The following ZNF562 variants were observed in gnomAD, a reference collection of about 807,000 sequenced individuals.
ZNF562 encodes zinc finger protein 562.
Under a neutral mutation model 17.5 loss-of-function variants are expected in ZNF562, and 13 were observed. That is an observed-to-expected ratio of 0.74 (90% CI 0.48 to 1.18). ZNF562 has a LOEUF of 1.18. ZNF562 is among the 50% of genes most tolerant of loss of function. The pLI is 0.00. For synonymous variants in ZNF562, 163 were observed against 165.4 expected (o/e 0.99, Z 0.11); for missense variants, 481 against 498.5 (o/e 0.96, Z 0.33).
At chr19:9,659,261 T>C (rs772904517) in intron 3 of ZNF562, 118 bp downstream of exon 3, 6 of 913,774 alleles carry the variant, frequency 6.6e-6, no homozygotes, top group Admixed American at 4.9e-5. Flanking sequence ...GATTCAGTCC[T>C]TGAGTAAGGC....
intron 1 of ZNF562, among the ~76,000 whole-genome samples, chr19:9,674,113 G>A (rs1470158240): frequency 3.3e-5 from 5 of 152,308 alleles, no homozygotes; most frequent in East Asian, 3.9e-4. Context: ...GTCCTTCCCC[G>A]ATGGCTAGGG....
chr19:9,671,868 T>G (rs1406285520), intron 1 of ZNF562, among the ~76,000 whole-genome samples: 2 of 152,206 alleles, frequency 1.3e-5, no homozygotes, highest in Non-Finnish European at 2.9e-5. Flanking sequence ...TGACAGAGAA[T>G]GAACAACTAG....
At chr19:9,658,323 T>G in intron 3 of ZNF562, 188 bp from the exon 4 acceptor site, 1 of 985,398 alleles carries the variant, frequency 1.0e-6, no homozygotes, top group Non-Finnish European at 1.2e-6. Flanking sequence ...TACAGGCATA[T>G]GCCTTAAACA....
chr19:9,663,732 A>G (rs2043845300), intron 1 of ZNF562, among the ~76,000 whole-genome samples: 1 of 151,058 alleles, frequency 6.6e-6, no homozygotes, highest in Non-Finnish European at 1.5e-5. Context: ...GCTGGAGTGC[A>G]GTGGCGCGAT....
Position 9,652,974 on chromosome 19 carries a change from A to C in ZNF562, c.1256T>G (p.Leu419Trp), listed in dbSNP as rs772176685. The C allele has an allele frequency of 6.6e-7, 1 of 1,503,976 alleles. No individual in the cohort carries two copies. Among genetic ancestry groups the C allele is most frequent in the Non-Finnish European group, 8.9e-7 (1 of 1,127,008 alleles). 93.2% of individuals were successfully genotyped at this position (1,503,976 alleles called of 1,614,324 possible). Residue 419 changes from leucine (L) to tryptophan (W), a missense_variant, in exon 6 of 6, where the codon TTG becomes TGG. By Grantham distance (61) the Leu-to-Trp change is moderately conservative. Coordinates refer to ENST00000453372, the MANE Select transcript of ZNF562 (RefSeq NM_001130031.2). ...FITSSHRSKH[L>W]KTHSGER ...TTACCTTTCTCCACTGTGAGTTTTCAAATGTTTACTACGATGGGAAGAAGT... is the reference window on the plus strand; with the variant it reads ...TTACCTTTCTCCACTGTGAGTTTTCCAATGTTTACTACGATGGGAAGAAGT...
rs541555114 is a variant in ZNF562, at chr19:9,653,571, T to C, written c.659A>G (p.Asp220Gly). 2.0e-5 allele frequency: 32 copies of C among 1,614,196 alleles called. No homozygotes were observed. The highest frequency in any genetic ancestry group is 1.8e-4 in the Admixed American group (11 of 60,024). Residue 220 changes from aspartate (D) to glycine (G), a missense_variant, in exon 6 of 6, where the codon GAT (aspartate) becomes GGT (glycine). By Grantham distance (94) the Asp-to-Gly change is moderately conservative (BLOSUM62 -1). This residue lies in a region of ZNF562 where 403 missense variants were observed against 386.4 expected (regional missense o/e 1.04). Transcript: ENST00000453372. ...TCCAATGTGGATTCCCATGTGATTA[T>C]CAAGGCTTGCAAAATACTTAAAGCC... Reference protein sequence around the residue: ...GKGFKYFASLDNHMGIHIGEK... With the variant: ...GKGFKYFASLGNHMGIHIGEK...
rs1429121806 is a variant in ZNF562, at chr19:9,647,507, A to C, written c.*5442T>G. Reference sequence around the variant, plus strand: ...AGCTTCCCAGTGTGCTGGGATTAAAAGTGTGAGCCACTATGACCAGCCAGA... The same window carrying C: ...AGCTTCCCAGTGTGCTGGGATTAAACGTGTGAGCCACTATGACCAGCCAGA... On this transcript the variant is annotated 3_prime_UTR_variant, in exon 6 of 6. Transcript: ENST00000453372. 6.6e-6 allele frequency: 1 copy of C among 152,098 alleles called. No individual in the cohort carries two copies. Among genetic ancestry groups the C allele is most frequent in the Non-Finnish European group, 1.5e-5 (1 of 68,032 alleles). 9.4% of individuals were successfully genotyped at this position (152,098 alleles called of 1,614,324 possible).
At position 9,647,085 on chromosome 19, in the gene ZNF562, C is replaced by CTT. The variant is rs59673910; in HGVS notation, c.*5862_*5863dup. On this transcript the variant is annotated 3_prime_UTR_variant, in exon 6 of 6. Coordinates refer to ENST00000453372, the MANE Select transcript of ZNF562 (RefSeq NM_001130031.2). ...GAAGCACCGTGCCCAACCTAGTTGT[C>CTT]TTTTTTTTTTTTTTTGAGACGGATT... 0.1 allele frequency: 12,624 copies of CTT among 126,616 alleles called. 974 individuals are homozygous for CTT. The highest frequency in any genetic ancestry group is 0.2 in the African/African-American group (7,031 of 34,684). The allele number at this position is 126,616 out of a possible 1,614,324, so 7.8% of individuals were successfully genotyped here. A position where few individuals can be genotyped will look rare whatever the true frequency, so the allele number is the denominator to read the frequency against.
At chr19:9,658,169 T>C in intron 3 of ZNF562, 34 bp from the exon 4 acceptor site, 1 of 1,599,152 alleles carries the variant, frequency 6.3e-7, no homozygotes, top group Non-Finnish European at 8.5e-7. Flanking sequence ...TTTGAGCCAA[T>C]GAACACTTCC....
chr19:9,668,873 AAC>A (rs1295117268), intron 1 of ZNF562, among the ~76,000 whole-genome samples: 3 of 152,338 alleles, frequency 2.0e-5, no homozygotes, highest in East Asian at 3.9e-4. Flanking sequence ...ATGGGAAAAT[AAC>A]AGTCTTTTCA....
chr19:9,653,139 C>T lies in ZNF562; in HGVS notation c.1091G>A (p.Arg364Gln), dbSNP rs746153007. Residue 364 changes from arginine (R) to glutamine (Q), a missense_variant, in exon 6 of 6, where the codon CGA becomes CAA. This residue lies in a region of ZNF562 where 78 missense variants were observed against 112.0 expected (regional missense o/e 0.70). Coordinates refer to ENST00000453372, the MANE Select transcript of ZNF562 (RefSeq NM_001130031.2). ...TQYTGLAIHIRNHTGEKPYQC... is the reference protein window; with the variant it reads ...TQYTGLAIHIQNHTGEKPYQC... ...ATAGGGTTTCTCTCCAGTGTGATTT[C>T]GTATGTGTATAGCAAGGCCCGTGTA... The T allele has an allele frequency of 1.3e-5, 21 of 1,611,328 alleles. No individual in the cohort carries two copies. The highest frequency in any genetic ancestry group is 1.7e-5 in the Admixed American group (1 of 59,736).
chr19:9,653,722 A>T lies in ZNF562; in HGVS notation c.508T>A (p.Ser170Thr). The change falls in exon 6 of 6, where the codon TCT (serine) becomes ACT (threonine). Residue 170 changes from serine (S) to threonine (T), a missense_variant. Around this residue, in one of 2 missense-constraint regions of ZNF562, gnomAD observed 403 missense variants for 386.4 expected, o/e 1.04. Coordinates refer to ENST00000453372, the MANE Select transcript of ZNF562 (RefSeq NM_001130031.2). ...KDSISVHKEA[S>T]IGQELSKFNP... The stretch of plus-strand genomic sequence containing the variant: ...AATTTGGAAAGTTCTTGTCCAATAG[A>T]GGCTTCCTTGTGCACACTGATGCTG... 6.2e-7 allele frequency: 1 copy of T among 1,614,086 alleles called. No homozygotes were observed. The highest frequency in any genetic ancestry group is 8.5e-7 in the Non-Finnish European group (1 of 1,179,962).
At chr19:9,667,733 G>A (rs1038910781) in intron 1 of ZNF562, among the ~76,000 whole-genome samples, 1 of 152,002 alleles carries the variant, frequency 6.6e-6, no homozygotes, top group African/African-American at 2.4e-5. Flanking sequence ...TAGAACCACA[G>A]GCATGTGTGA....
chr19:9,665,253 C>A (rs2043910995), intron 1 of ZNF562, among the ~76,000 whole-genome samples: 2 of 149,550 alleles, frequency 1.3e-5, no homozygotes, highest in South Asian at 2.1e-4. Context: ...TCTGTGGCTA[C>A]AACGAAGTGA....
rs569930162 is a variant in ZNF562 at position 9,665,444 on chromosome 19, C to A, written c.-130-4570G>T. 2.0e-4 allele frequency among the ~76,000 whole-genome samples: 30 copies of A among 152,228 alleles called. No individual in the cohort carries two copies. In the East Asian group the frequency reaches 5.0e-3, roughly 25 times the overall value. On this transcript the variant is annotated intron_variant, in intron 1 of 5. Transcript: ENST00000453372. ...CTGGGTTCCCTGGTAAAAGATCAGT[C>A]CCTCCCTGTCTCAACCCACAGGAAG...
rs1249918302 is a variant in ZNF562 at position 9,642,128 on chromosome 19, G to A, written c.*10821C>T. On this transcript the variant is annotated 3_prime_UTR_variant, in exon 6 of 6. Coordinates refer to ENST00000453372, the MANE Select transcript of ZNF562 (RefSeq NM_001130031.2). ...ATGGCAGGGTACATTCACTAGGTGG[G>A]GGAGGATGTATCTTATAAAGTACAT... The A allele has an allele frequency of 6.6e-6, 1 of 151,748 alleles. No individual in the cohort carries two copies. Among genetic ancestry groups the A allele is most frequent in the African/African-American group, 2.4e-5 (1 of 41,266 alleles). 9.4% of individuals were successfully genotyped at this position (151,748 alleles called of 1,614,324 possible). A position where few individuals can be genotyped will look rare whatever the true frequency, so the allele number is the denominator to read the frequency against.
chr19:9,658,448 C>G (rs1260325125), intron 3 of ZNF562: 1 of 572,988 alleles, frequency 1.7e-6, no homozygotes, highest in Non-Finnish European at 2.2e-6. Flanking sequence ...CTCCTAAGTT[C>G]AAGTGATTCT....
In ZNF562 at chr19:9,646,449, A is replaced by T. The variant is rs2074807287; in HGVS notation, c.*6500T>A. ...TTAAAAAGCATACAGAAAGACTAAG[A>T]AGTAGAGGAAAATCAAGCTGATGTA... On this transcript the variant is annotated 3_prime_UTR_variant, in exon 6 of 6. Transcript: ENST00000453372. 6.6e-6 allele frequency: 1 copy of T among 151,074 alleles called. No homozygotes were observed. Among genetic ancestry groups the T allele is most frequent in the South Asian group, 2.1e-4 (1 of 4,804 alleles). The allele number at this position is 151,074 out of a possible 1,614,324, so 9.4% of individuals were successfully genotyped here. A position where few individuals can be genotyped will look rare whatever the true frequency, so the allele number is the denominator to read the frequency against.
Position 9,659,827 on chromosome 19 carries a change from C to G in ZNF562, c.26-360G>C, listed in dbSNP as rs191486638. 2.8e-3 allele frequency among the ~76,000 whole-genome samples: 417 copies of G among 151,122 alleles called. 3 individuals are homozygous for G. Among genetic ancestry groups the G allele is most frequent in the Admixed American group, 6.9e-3 (104 of 15,080 alleles). ...AGCATTCTGACTGGGCACAGAGGCT[C>G]ATGCCTGTAATCCCAACATTTTGGG... On this transcript the variant is annotated intron_variant, in intron 2 of 5. Transcript: ENST00000453372.
Sources: allele counts gnomAD v4.1 joint callset (sites outside exome capture counted in the v4.1 genomes callset), GRCh38; gene constraint gnomAD v4.1.1; regional missense constraint gnomAD v4.1.1; transcripts MANE v1.5; gene names NCBI Gene and HGNC (gene_info 2026-07-23, HGNC 2026-07-21).